HDAC4: variants seen among roughly 807,000 people sequenced by gnomAD.
HDAC4 encodes histone deacetylase 4.
In HDAC4, 16 loss-of-function variants were observed where a neutral mutation model predicts 135.1. The observed-to-expected ratio is 0.12, with a 90% confidence interval of 0.08 to 0.18. HDAC4 has a LOEUF of 0.18. Among genes scored for constraint, HDAC4 ranks in the 10% least tolerant of loss-of-function variants. The probability of loss-of-function intolerance (pLI) is 1.00; values close to 1 mark genes in which losing one functional copy is unlikely to be tolerated. For missense variants in HDAC4, 1,143 were observed against 1,511.8 expected, an observed-to-expected ratio of 0.76 and a Z score of 4.05; for synonymous variants, 685 against 653.4, an observed-to-expected ratio of 1.05 and a Z score of -0.74.
intron 3 of HDAC4, among the ~76,000 whole-genome samples, chr2:239,221,609 GACACAC>G (rs3838519): frequency 0.063 from 9,408 of 148,978 alleles, 729 homozygotes; most frequent in African/African-American, 0.18. Flanking sequence ...CTGAGAGTGG[GACACAC>G]ACACACACAC....
At chr2:239,263,317 G>A (rs1184634365) in intron 2 of HDAC4, among the ~76,000 whole-genome samples, 1 of 125,240 alleles carries the variant, frequency 8.0e-6, no homozygotes, top group African/African-American at 3.3e-5. Context: ...CCCACCCTGA[G>A]GACCCCCGCC....
chr2:239,172,440 G>T (rs1188303631), intron 5 of HDAC4, among the ~76,000 whole-genome samples: 2 of 151,880 alleles, frequency 1.3e-5, no homozygotes, highest in African/African-American at 2.4e-5. Context: ...AAATGTAAAT[G>T]GGCCAAACTA....
chr2:239,158,155 C>T (rs534529945), intron 6 of HDAC4, among the ~76,000 whole-genome samples: 41 of 152,220 alleles, frequency 2.7e-4, no homozygotes, highest in African/African-American at 9.6e-4. Flanking sequence ...TAGTTCTACC[C>T]CTCGTCTCAC....
intron 1 of HDAC4, among the ~76,000 whole-genome samples, chr2:239,385,044 C>T (rs1394358294): frequency 6.6e-6 from 1 of 152,196 alleles, no homozygotes; most frequent in Non-Finnish European, 1.5e-5. Flanking sequence ...ACAAGGCTTC[C>T]ATGGAAGAGC....
intron 2 of HDAC4, among the ~76,000 whole-genome samples, chr2:239,337,045 T>C (rs574248627): frequency 6.6e-6 from 1 of 152,324 alleles, no homozygotes; most frequent in East Asian, 1.9e-4. Context: ...CTGATGTTTT[T>C]CCCATGGTTG....
At chr2:239,124,242 C>A (rs2039936184) in intron 12 of HDAC4, among the ~76,000 whole-genome samples, 1 of 152,160 alleles carries the variant, frequency 6.6e-6, no homozygotes, top group African/African-American at 2.4e-5. Context: ...ATCACCATAT[C>A]TAATTTTGGA....
chr2:239,286,822 G>T (rs1199995448), intron 2 of HDAC4, among the ~76,000 whole-genome samples: 1 of 152,220 alleles, frequency 6.6e-6, no homozygotes, highest in South Asian at 2.1e-4. Context: ...AGGAGAAAAA[G>T]AAAACTCACC....
intron 3 of HDAC4, among the ~76,000 whole-genome samples, chr2:239,202,164 A>C (rs2045794769): frequency 6.6e-6 from 1 of 152,164 alleles, no homozygotes; most frequent in East Asian, 1.9e-4. Context: ...CGAACCTTGG[A>C]ACCAGCCTGA....
chr2:239,098,120 CA>C (rs2152749681), intron 16 of HDAC4, among the ~76,000 whole-genome samples: 1 of 152,232 alleles, frequency 6.6e-6, no homozygotes, highest in East Asian at 1.9e-4. Context: ...TAGCAAAGAC[CA>C]AAACAACAAA....
rs987045102 is a variant in HDAC4 at position 239,120,614 on chromosome 2, C to G, written c.1534-5304G>C. The stretch of plus-strand genomic sequence containing the variant: ...AAGGTGGGGGAGGGAAATGGGGGGG[C>G]GGGGAAGGGAAATAGGGGGAGGGGT... On this transcript the variant is annotated intron_variant, in intron 12 of 26. Transcript: ENST00000543185. Among the ~76,000 whole-genome samples the G allele has an allele frequency of 5.0e-3, 154 of 31,028 alleles. 2 individuals carry two copies. The highest frequency in any genetic ancestry group is 0.042 in the East Asian group (70 of 1,668). The allele number at this position is 31,028 out of a possible 152,430, so 20.4% of individuals were successfully genotyped here. A position where few individuals can be genotyped will look rare whatever the true frequency, so the allele number is the denominator to read the frequency against.
At chr2:239,248,038 T>A (rs2048566531) in intron 2 of HDAC4, among the ~76,000 whole-genome samples, 1 of 152,178 alleles carries the variant, frequency 6.6e-6, no homozygotes, top group Admixed American at 6.5e-5. Flanking sequence ...CCAGCGCCCA[T>A]AACACTCGGT....
At chr2:239,142,209 G>A (rs2041426366) in intron 8 of HDAC4, among the ~76,000 whole-genome samples, 1 of 152,150 alleles carries the variant, frequency 6.6e-6, no homozygotes, top group African/African-American at 2.4e-5. Flanking sequence ...ATTAATTAGT[G>A]ACTGAGAAAA....
In HDAC4 at chr2:239,134,327, C is replaced by T. The variant is rs775673087; in HGVS notation, c.1212G>A (p.Arg404=). ...TPYLSTSPLE[R]DGGAAHSPLL... ...GAGGGCTGTGCGCTGCCCCTCCGTC[C>T]CGCTCCAAGGGCGAGGTGCTCAGGT... The change falls in exon 11 of 27, where the codon CGG becomes CGA. Residue 404 remains arginine (R), a synonymous_variant. Transcript: ENST00000543185. 1.2e-6 allele frequency: 2 copies of T among 1,613,900 alleles called. No homozygotes were observed. The highest frequency in any genetic ancestry group is 1.7e-5 in the Admixed American group (1 of 60,028).
In HDAC4 at chr2:239,358,787, T is replaced by G. The variant is rs528803901; in HGVS notation, c.-219-5869A>C. Among the ~76,000 whole-genome samples, 42 of 152,358 alleles carry G rather than the reference T, an allele frequency of 2.8e-4. No individual in the cohort carries two copies. In the South Asian group the frequency reaches 8.7e-3, roughly 32 times the overall value. ...ATTATCTACAGTATCTTTTCTCATT[T>G]GTTTAATTCCGGTACACACACAAAG... is the stretch of plus-strand genomic sequence containing the variant. On this transcript the variant is annotated intron_variant, in intron 1 of 26. Coordinates refer to ENST00000543185, the MANE Select transcript of HDAC4 (RefSeq NM_001378414.1).
At chr2:239,302,839 A>G (rs2052347845) in intron 2 of HDAC4, among the ~76,000 whole-genome samples, 4 of 152,190 alleles carry the variant, frequency 2.6e-5, no homozygotes, top group Non-Finnish European at 5.9e-5. Flanking sequence ...CTCCTCCCCA[A>G]AAGAGTCTCT....
Position 239,068,703 on chromosome 2 carries a change from C to T in HDAC4, c.2751-96G>A. Reference sequence around the variant, plus strand: ...TTCCCTCTGGCATTGATAATGCCTGCCCCGCACCCCCTCGGCCACTGGCGG... The same window carrying T: ...TTCCCTCTGGCATTGATAATGCCTGTCCCGCACCCCCTCGGCCACTGGCGG... On this transcript the variant is annotated intron_variant, in intron 22 of 26. Transcript: ENST00000543185. This position sits in a 1 kb window ranked among gnomAD's most constrained non-coding sequence, Gnocchi z 4.4. The T allele has an allele frequency of 4.8e-6, 5 of 1,040,032 alleles. No homozygotes were observed. The Admixed American group carries it at 6.8e-5, about 14-fold the overall frequency. The allele number at this position is 1,040,032 out of a possible 1,614,324, so 64.4% of individuals were successfully genotyped here.
intron 5 of HDAC4, among the ~76,000 whole-genome samples, chr2:239,164,356 C>T (rs1559540921): frequency 6.6e-6 from 1 of 152,222 alleles, no homozygotes; most frequent in Non-Finnish European, 1.5e-5. Context: ...CACAGGCAGG[C>T]GTGCTTCCTT....
At chr2:239,120,350 T>C (rs1388883782) in intron 12 of HDAC4, among the ~76,000 whole-genome samples, 1 of 150,596 alleles carries the variant, frequency 6.6e-6, no homozygotes, top group Non-Finnish European at 1.5e-5. Flanking sequence ...CACATACAGA[T>C]ACATACACAC....
At chr2:239,084,294 T>C in intron 19 of HDAC4, 52 bp from the exon 20 acceptor site, 1 of 1,327,984 alleles carries the variant, frequency 7.5e-7, no homozygotes, top group Admixed American at 1.9e-5. Context: ...CGGTGGCCAG[T>C]TTCTCCACGG....
Sources: gnomAD v4.1 joint callset for allele counts (sites outside exome capture counted in the v4.1 genomes callset) on GRCh38, gnomAD v4.1.1 for gene constraint, Gnocchi (gnomAD v3.1) non-coding constraint, MANE v1.5 for transcripts, NCBI Gene and HGNC (gene_info 2026-07-23, HGNC 2026-07-21) for gene names.